Variants in CMC1 observed in about 807,000 individuals in gnomAD.
The protein encoded by CMC1 is C-X9-C motif containing 1.
In CMC1, 14 loss-of-function variants were observed where a neutral mutation model predicts 14.1. The observed-to-expected ratio is 0.99, with a 90% CI of 0.66 to 1.55. CMC1 has a LOEUF of 1.55. Among genes scored for constraint, CMC1 ranks in the 40% most tolerant of loss-of-function variants. The probability of loss-of-function intolerance (pLI) is 0.00; values close to 1 mark genes in which losing one functional copy is unlikely to be tolerated. For missense variants in CMC1, 127 were observed against 123.8 expected (o/e 1.03, Z -0.12); for synonymous variants, 50 against 38.4 (o/e 1.30, Z -1.12).
At chr3:28,250,390 G>A (rs1699072893) in intron 1 of CMC1, among the ~76,000 whole-genome samples, 1 of 152,172 alleles carries the variant, frequency 6.6e-6, no homozygotes, top group Non-Finnish European at 1.5e-5. Context: ...ATAAGAGGTT[G>A]AAGATGGAAA....
chr3:28,307,435 G>C (rs893954380), intron 2 of CMC1, among the ~76,000 whole-genome samples: 4 of 152,092 alleles, frequency 2.6e-5, no homozygotes, highest in African/African-American at 9.7e-5. Context: ...AGGCTGAGGT[G>C]GGAGGATCAC....
intron 1 of CMC1, among the ~76,000 whole-genome samples, chr3:28,251,105 G>A (rs775220088): frequency 6.6e-6 from 1 of 152,188 alleles, no homozygotes; most frequent in Admixed American, 6.5e-5. Context: ...ACCTTAGGAT[G>A]AGTAATTTAT....
At chr3:28,281,761 A>C (rs1700905787) in intron 2 of CMC1, among the ~76,000 whole-genome samples, 2 of 152,338 alleles carry the variant, frequency 1.3e-5, no homozygotes, top group East Asian at 3.9e-4. Flanking sequence ...GTGAGACTTA[A>C]TGAAGTATGT....
intron 1 of CMC1, among the ~76,000 whole-genome samples, chr3:28,261,094 C>T (rs1699713483): frequency 6.6e-6 from 1 of 151,886 alleles, no homozygotes; most frequent in Non-Finnish European, 1.5e-5. Context: ...TAATGTTGTT[C>T]AAGTACTTCA....
chr3:28,270,899 T>C (rs1700243696), intron 2 of CMC1, among the ~76,000 whole-genome samples: 1 of 151,426 alleles, frequency 6.6e-6, no homozygotes, highest in Non-Finnish European at 1.5e-5. Context: ...TTTATGTCTT[T>C]AATTCATCTT....
intron 1 of CMC1, among the ~76,000 whole-genome samples, chr3:28,252,822 T>C (rs1699199069): frequency 1.3e-5 from 2 of 152,202 alleles, no homozygotes; most frequent in African/African-American, 2.4e-5. Flanking sequence ...CCTCCACTTC[T>C]TTATCTGCAA....
chr3:28,274,107 T>C (rs1451199105), intron 2 of CMC1, among the ~76,000 whole-genome samples: 171 of 152,216 alleles, frequency 1.1e-3, no homozygotes, highest in Middle Eastern at 6.8e-3. Context: ...TTAATATTGT[T>C]ATATGTGAAT....
At chr3:28,290,368 T>G (rs1198303889) in intron 2 of CMC1, among the ~76,000 whole-genome samples, 2 of 152,150 alleles carry the variant, frequency 1.3e-5, no homozygotes, top group Non-Finnish European at 2.9e-5. Context: ...ATTTGTGACA[T>G]GTAGAGTGGA....
intron 2 of CMC1, among the ~76,000 whole-genome samples, chr3:28,299,938 C>T (rs952352917): frequency 1.3e-5 from 2 of 152,102 alleles, no homozygotes; most frequent in East Asian, 1.9e-4. Context: ...GGTGAGATAA[C>T]ACCTCCATGG....
At chr3:28,312,059 TC>T (rs1406386940) in intron 2 of CMC1, among the ~76,000 whole-genome samples, 1 of 152,222 alleles carries the variant, frequency 6.6e-6, no homozygotes, top group Non-Finnish European at 1.5e-5. Flanking sequence ...CCTACTATGT[TC>T]TTTAATAAAC....
chr3:28,289,312 T>C (rs937039968), intron 2 of CMC1, among the ~76,000 whole-genome samples: 3 of 151,966 alleles, frequency 2.0e-5, no homozygotes, highest in Non-Finnish European at 4.4e-5. Context: ...TTTTTAAAAT[T>C]CGTTTTGTTT....
intron 2 of CMC1, among the ~76,000 whole-genome samples, chr3:28,289,873 C>T (rs1701381293): frequency 6.6e-6 from 1 of 152,034 alleles, no homozygotes; most frequent in African/African-American, 2.4e-5. Flanking sequence ...AGACAGACAT[C>T]TCTCTGGGAA....
chr3:28,244,800 A>G (rs1379746058), intron 1 of CMC1, among the ~76,000 whole-genome samples: 2 of 152,104 alleles, frequency 1.3e-5, no homozygotes, highest in Non-Finnish European at 2.9e-5. Context: ...GTCATGGTCA[A>G]ATCTAACAAT....
At chr3:28,286,287 C>T (rs186624466) in intron 2 of CMC1, among the ~76,000 whole-genome samples, 190 of 152,202 alleles carry the variant, frequency 1.2e-3, no homozygotes, top group African/African-American at 3.9e-3. Flanking sequence ...TTAACTTAGT[C>T]GGGCAGCAAG....
At chr3:28,295,718 A>G (rs550810679) in intron 2 of CMC1, among the ~76,000 whole-genome samples, 1 of 152,292 alleles carries the variant, frequency 6.6e-6, no homozygotes, top group East Asian at 1.9e-4. Flanking sequence ...AATATTTAAC[A>G]AAAGAATGAA....
At chr3:28,242,152 T>TTC (rs1698560415) in intron 1 of CMC1, among the ~76,000 whole-genome samples, 1 of 152,202 alleles carries the variant, frequency 6.6e-6, no homozygotes, top group Non-Finnish European at 1.5e-5. Flanking sequence ...CCAGAAAAAT[T>TTC]TGTATATTTG....
chr3:28,266,960 T>C (rs1056116325), intron 2 of CMC1, among the ~76,000 whole-genome samples: 2 of 152,162 alleles, frequency 1.3e-5, no homozygotes, highest in African/African-American at 4.8e-5. Context: ...GCCAAATCGC[T>C]TTCTTACTTC....
At chr3:28,282,584 A>G (rs1351185769) in intron 2 of CMC1, among the ~76,000 whole-genome samples, 1 of 152,210 alleles carries the variant, frequency 6.6e-6, no homozygotes, top group Admixed American at 6.5e-5. Flanking sequence ...TTAGCTAAAT[A>G]GCTAAACACA....
chr3:28,242,992 G>A (rs1479452804), intron 1 of CMC1, among the ~76,000 whole-genome samples: 1 of 152,038 alleles, frequency 6.6e-6, no homozygotes, highest in Non-Finnish European at 1.5e-5. Flanking sequence ...AGGGTAGAAG[G>A]GGTAGAGTAT....
Sources: gnomAD v4.1 joint callset for allele counts (sites outside exome capture counted in the v4.1 genomes callset) on GRCh38, gnomAD v4.1.1 for gene constraint, MANE v1.5 for transcripts, NCBI Gene and HGNC (gene_info 2026-07-23, HGNC 2026-07-21) for gene names.